Variants in AKAP13 observed in about 807,000 individuals in gnomAD.
AKAP13 encodes the protein A-kinase anchor protein 13.
A neutral mutation model predicts 264.5 loss-of-function variants in AKAP13; 80 were observed. The ratio of observed to expected loss-of-function variants is 0.30; its 90% CI spans 0.25 to 0.36. The LOEUF (loss-of-function observed/expected upper bound fraction) is 0.36. AKAP13 is among the 10% of genes least tolerant of loss of function. The probability of loss-of-function intolerance (pLI) is 1.00; values close to 1 mark genes in which losing one functional copy is unlikely to be tolerated. For synonymous variants in AKAP13, 1,380 were observed against 1,250.2 expected (o/e 1.10, Z -2.19); for missense variants, 3,712 against 3,435.2 (o/e 1.08, Z -2.01).
At chr15:85,665,567 T>C (rs11631446) in intron 13 of AKAP13, among the ~76,000 whole-genome samples, 2,444 of 152,346 alleles carry the variant, frequency 0.016, 29 homozygotes, top group Non-Finnish European at 0.022. Context: ...CTAGGGTACA[T>C]GTGCACAACG....
At chr15:85,714,805 A>G (rs1398214990) in intron 19 of AKAP13, among the ~76,000 whole-genome samples, 1 of 152,130 alleles carries the variant, frequency 6.6e-6, no homozygotes, top group East Asian at 1.9e-4. Context: ...CGTCTCTATT[A>G]AAAATACAAA....
Position 85,727,545 on chromosome 15 carries a change from G to T in AKAP13, c.7087+82G>T, listed in dbSNP as rs1212551542. 1 of 1,514,574 alleles carries T rather than the reference G, an allele frequency of 6.6e-7. No individual in the cohort carries two copies. Among genetic ancestry groups the T allele is most frequent in the East Asian group, 2.4e-5 (1 of 42,256 alleles). 93.8% of individuals were successfully genotyped at this position (1,514,574 alleles called of 1,614,324 possible). On this transcript the variant is annotated intron_variant, in intron 29 of 36. Transcript: ENST00000394518. This position sits in a 1 kb window ranked among gnomAD's most constrained non-coding sequence, Gnocchi z 5.3. ...ACTGCTGGTGGATTTTAGAGGTACG[G>T]GTTTGCCCTCAGTTCTAAAGCTGCC... is the stretch of plus-strand genomic sequence containing the variant.
At chr15:85,707,349 G>C (rs1331955364) in intron 17 of AKAP13, among the ~76,000 whole-genome samples, 3 of 152,140 alleles carry the variant, frequency 2.0e-5, no homozygotes. Context: ...GCCAAATTGT[G>C]GTTTCTGCTT....
intron 14 of AKAP13, among the ~76,000 whole-genome samples, chr15:85,673,143 G>C (rs1436363223): frequency 6.6e-6 from 1 of 152,110 alleles, no homozygotes; most frequent in Non-Finnish European, 1.5e-5. Flanking sequence ...GTCTTTTGTT[G>C]GGTCATTTGC....
chr15:85,566,658 G>A (rs549071117), intron 5 of AKAP13, among the ~76,000 whole-genome samples: 2 of 141,296 alleles, frequency 1.4e-5, no homozygotes, highest in Non-Finnish European at 3.0e-5. Context: ...ATGGAGTCTC[G>A]CTCTGTTGCC....
At chr15:85,705,688 C>A (rs115864625) in intron 17 of AKAP13, among the ~76,000 whole-genome samples, 1 of 152,084 alleles carries the variant, frequency 6.6e-6, no homozygotes, top group African/African-American at 2.4e-5. Flanking sequence ...ACATATGTGT[C>A]CATGATTCAG....
intron 2 of AKAP13, among the ~76,000 whole-genome samples, chr15:85,488,480 A>G (rs1185589769): frequency 6.6e-6 from 1 of 152,196 alleles, no homozygotes; most frequent in East Asian, 1.9e-4. Context: ...GGCTTCCCCA[A>G]ATTTATTCAC....
chr15:85,408,000 T>C (rs2071759752), intron 1 of AKAP13, among the ~76,000 whole-genome samples: 1 of 151,604 alleles, frequency 6.6e-6, no homozygotes, highest in South Asian at 2.1e-4. Context: ...TGGATGAAAC[T>C]TGTTGAGTAG....
At chr15:85,567,941 G>GGTGTGTGTGTGTGTGTGT (rs57049395) in intron 5 of AKAP13, among the ~76,000 whole-genome samples, 77 of 141,928 alleles carry the variant, frequency 5.4e-4, no homozygotes, top group Non-Finnish European at 7.3e-4. Context: ...AGCCCAAAGA[G>GGTGTGTGTGTGTGTGTGT]GTGTGTGTGT....
chr15:85,479,059 G>T (rs1456158082), intron 1 of AKAP13, among the ~76,000 whole-genome samples: 1 of 152,164 alleles, frequency 6.6e-6, no homozygotes, highest in Non-Finnish European at 1.5e-5. Flanking sequence ...ATTCATGAGG[G>T]TCTTGTAAGA....
At chr15:85,434,107 G>T (rs765798368) in intron 1 of AKAP13, among the ~76,000 whole-genome samples, 1 of 151,372 alleles carries the variant, frequency 6.6e-6, no homozygotes, top group Non-Finnish European at 1.5e-5. Context: ...CAGGCCAGTG[G>T]GTGCGCGCAC....
chr15:85,599,514 C>T (rs729857), intron 8 of AKAP13, among the ~76,000 whole-genome samples: 1 of 151,982 alleles, frequency 6.6e-6, no homozygotes, highest in Admixed American at 6.5e-5. Flanking sequence ...TCAGAGTTAC[C>T]GTGTATCTCT....
intron 5 of AKAP13, among the ~76,000 whole-genome samples, chr15:85,563,950 T>C (rs2078509233): frequency 6.6e-6 from 1 of 152,236 alleles, no homozygotes; most frequent in African/African-American, 2.4e-5. Flanking sequence ...AAGTTTGATT[T>C]TGAACTGAGG....
intron 8 of AKAP13, among the ~76,000 whole-genome samples, chr15:85,613,702 A>ATGTGTG (rs1567155743): frequency 8.3e-6 from 1 of 120,162 alleles, no homozygotes; most frequent in African/African-American, 3.2e-5. Context: ...ATATATATAT[A>ATGTGTG]TATATATATA....
chr15:85,702,714 A>G (rs1159085407), intron 17 of AKAP13: 1 of 152,228 alleles, frequency 6.6e-6, no homozygotes, highest in African/African-American at 2.4e-5. Context: ...ATGATGGTTT[A>G]TACAAGAAAC....
At chr15:85,700,407 C>T (rs556959555) in intron 17 of AKAP13, among the ~76,000 whole-genome samples, 2 of 152,248 alleles carry the variant, frequency 1.3e-5, no homozygotes, top group South Asian at 2.1e-4. Flanking sequence ...CTATCAGTGT[C>T]GTATGTGCTA....
At position 85,741,405 on chromosome 15, in the gene AKAP13, T is replaced by C. The variant is rs1418732087; in HGVS notation, c.7968T>C (p.Ala2656=). 1.2e-6 allele frequency: 2 copies of C among 1,613,600 alleles called. No individual in the cohort carries two copies. Among genetic ancestry groups the C allele is most frequent in the African/African-American group, 1.3e-5 (1 of 74,898 alleles). ...AGTATGACCTGGAGCGACTGCGTGC[T>C]GCCCAGAAACAGCTTGAGAGGGAAC... The part of the protein sequence containing the change: ...TYQYDLERLR[A]AQKQLEREQE... Residue 2656 remains alanine (A), a synonymous_variant, in exon 35 of 37, where the codon GCT becomes GCC. Coordinates refer to ENST00000394518, the MANE Select transcript of AKAP13 (RefSeq NM_007200.5).
chr15:85,448,394 T>C (rs1048163126), intron 1 of AKAP13, among the ~76,000 whole-genome samples: 2 of 152,150 alleles, frequency 1.3e-5, no homozygotes, highest in Non-Finnish European at 2.9e-5. Context: ...CAATTTTTCC[T>C]TTTTTTCGTG....
chr15:85,464,305 A>G (rs1034849032), intron 1 of AKAP13, among the ~76,000 whole-genome samples: 1 of 152,226 alleles, frequency 6.6e-6, no homozygotes, highest in East Asian at 1.9e-4. Flanking sequence ...AAGGTAATAC[A>G]GTCTAGAATT....
Sources: gnomAD v4.1 joint callset for allele counts (sites outside exome capture counted in the v4.1 genomes callset) on GRCh38, gnomAD v4.1.1 for gene constraint, Gnocchi (gnomAD v3.1) non-coding constraint, MANE v1.5 for transcripts, NCBI Gene and HGNC (gene_info 2026-07-23, HGNC 2026-07-21) for gene names.